The following DMD variants were observed in gnomAD, a reference collection of about 807,000 sequenced individuals.
The protein encoded by DMD is mutant dystrophin.
In DMD, 63 loss-of-function variants were observed where a neutral mutation model predicts 330.1. The ratio of observed to expected loss-of-function variants is 0.19; its 90% confidence interval spans 0.16 to 0.24. DMD has a LOEUF of 0.24. Among genes scored for constraint, DMD ranks in the 10% least tolerant of loss-of-function variants. The pLI is 1.00. For synonymous variants in DMD, 1,223 were observed against 959.8 expected (o/e 1.27, Z -5.07); for missense variants, 3,344 against 2,684.1 (o/e 1.25, Z -5.43).
rs180732442 is a variant in DMD, at chrX:33,097,816, A to T, written c.32-77616T>A. 1.5e-4 allele frequency among the ~76,000 whole-genome samples: 16 copies of T among 108,400 alleles called. No individual in the cohort carries two copies. In the East Asian group the frequency reaches 4.7e-3, roughly 32 times the overall value. 94.1% of individuals were successfully genotyped at this position (108,400 alleles called of 115,157 possible). ...TTTTTAGTAGAGACGGGGTTTCATC[A>T]TGCTGGCCAGGCTGGTCTCAAACTC... On this transcript the variant is annotated intron_variant, in intron 1 of 78. Transcript: ENST00000357033.
intron 4 of DMD, among the ~76,000 whole-genome samples, chrX:32,837,328 G>A (rs1427453209): frequency 1.8e-5 from 2 of 111,600 alleles, no homozygotes; most frequent in African/African-American, 3.3e-5. Context: ...ACTAAGGAGC[G>A]GCACTGGCAA....
At chrX:32,037,375 G>T (rs906848159) in intron 44 of DMD, among the ~76,000 whole-genome samples, 2 of 111,710 alleles carry the variant, frequency 1.8e-5, no homozygotes, top group African/African-American at 6.5e-5. Flanking sequence ...AAAAACTAGC[G>T]TGCTTTATTA....
rs146746920 is a variant in DMD, at chrX:31,922,378, T to A, written c.6912+7218A>T. Among the ~76,000 whole-genome samples the A allele has an allele frequency of 5.2e-3, 576 of 111,039 alleles. 3 individuals carry two copies. The highest frequency in any genetic ancestry group is 8.9e-3 in the Non-Finnish European group (469 of 52,940). On this transcript the variant is annotated intron_variant, in intron 47 of 78. Coordinates refer to ENST00000357033, the MANE Select transcript of DMD (RefSeq NM_004006.3). Reference sequence around the variant, plus strand: ...TTTATCATAAACAGGTGAAAGCGAGTGTTTTCCTGAGTTCTGTGAGCTGCT... The same window carrying A: ...TTTATCATAAACAGGTGAAAGCGAGAGTTTTCCTGAGTTCTGTGAGCTGCT...
At chrX:32,575,854 G>A (rs945316649) in intron 13 of DMD, among the ~76,000 whole-genome samples, 1 of 111,796 alleles carries the variant, frequency 8.9e-6, no homozygotes, top group African/African-American at 3.3e-5. Flanking sequence ...ACAAACTCAA[G>A]CTATAGCATC....
At chrX:31,259,439 C>T (rs1462540969) in intron 63 of DMD, among the ~76,000 whole-genome samples, 1 of 111,808 alleles carries the variant, frequency 8.9e-6, no homozygotes, top group Non-Finnish European at 1.9e-5. Context: ...TAAGCATTCA[C>T]GTTTTCCACC....
intron 44 of DMD, among the ~76,000 whole-genome samples, chrX:32,205,005 T>TCTCTCTCTCACACA (rs60181300): frequency 6.8e-5 from 2 of 29,232 alleles, no homozygotes; most frequent in Non-Finnish European, 1.4e-4. Context: ...TCTCTCTCTC[T>TCTCTCTCTCACACA]CACATACACA....
Position 32,454,724 on chromosome X carries a change from G to T in DMD, c.3541C>A (p.Leu1181Ile). The T allele has an allele frequency of 8.3e-7, 1 of 1,200,492 alleles. No homozygotes were observed. Reference sequence around the variant, plus strand: ...GTTTTATATTCAAAATCTCTCTCAAGATACTCTTCTTCAGCTTGTGTCATC... The same window carrying T: ...GTTTTATATTCAAAATCTCTCTCAATATACTCTTCTTCAGCTTGTGTCATC... ...EWMTQAEEEYLERDFEYKTPD... is the reference protein window; with the variant it reads ...EWMTQAEEEYIERDFEYKTPD... Residue 1181 changes from leucine (L) to isoleucine (I), a missense_variant, in exon 26 of 79, where the codon CTT becomes ATT. By Grantham distance (5) the Leu-to-Ile change is conservative. Coordinates refer to ENST00000357033, the MANE Select transcript of DMD (RefSeq NM_004006.3).
At chrX:31,912,800 G>A (rs1254865117) in intron 47 of DMD, among the ~76,000 whole-genome samples, 1 of 111,947 alleles carries the variant, frequency 8.9e-6, no homozygotes, top group Non-Finnish European at 1.9e-5. Context: ...AATTAATCAC[G>A]CCTCTTGGAT....
chrX:31,185,297 T>G (rs186708608), intron 67 of DMD, among the ~76,000 whole-genome samples: 1 of 110,857 alleles, frequency 9.0e-6, no homozygotes, highest in African/African-American at 3.3e-5. Context: ...CCATTCCCTC[T>G]CCATTCTACT....
intron 11 of DMD, among the ~76,000 whole-genome samples, chrX:32,628,612 A>G (rs5928054): frequency 0.3 from 32,455 of 109,157 alleles, 6,134 homozygotes; most frequent in African/African-American, 0.7. Flanking sequence ...GTATCATTCA[A>G]TTATTTGAAA....
chrX:32,733,807 A>AG (rs1300373210), intron 7 of DMD, among the ~76,000 whole-genome samples: 1 of 104,880 alleles, frequency 9.5e-6, no homozygotes, highest in Non-Finnish European at 2.0e-5. Context: ...CACAAGAGAA[A>AG]GCAGGAAAGA....
At chrX:33,081,649 G>A (rs773030489) in intron 1 of DMD, among the ~76,000 whole-genome samples, 3 of 112,081 alleles carry the variant, frequency 2.7e-5, no homozygotes, top group Non-Finnish European at 3.8e-5. Flanking sequence ...TAATCAGCCC[G>A]TCCTTCATGG....
intron 47 of DMD, among the ~76,000 whole-genome samples, chrX:31,925,648 GA>G (rs1410944779): frequency 9.0e-6 from 1 of 111,232 alleles, no homozygotes; most frequent in Non-Finnish European, 1.9e-5. Context: ...GAGGTGGGCA[GA>G]TCACCTGAGG....
At chrX:32,314,646 A>G (rs1414586614) in intron 41 of DMD, among the ~76,000 whole-genome samples, 1 of 111,691 alleles carries the variant, frequency 9.0e-6, no homozygotes, top group East Asian at 2.8e-4. Flanking sequence ...TATCCATCTG[A>G]CAAAGGGCTA....
intron 78 of DMD, among the ~76,000 whole-genome samples, chrX:31,124,805 C>G (rs1406400064): frequency 1.8e-5 from 2 of 111,742 alleles, no homozygotes; most frequent in Non-Finnish European, 3.8e-5. Flanking sequence ...GGCAAAGATC[C>G]AAGACCTCAA....
intron 61 of DMD, among the ~76,000 whole-genome samples, chrX:31,337,139 G>A (rs1349425201): frequency 9.1e-6 from 1 of 109,469 alleles, no homozygotes; most frequent in Non-Finnish European, 1.9e-5. Flanking sequence ...TGGCCAGGTT[G>A]GTCTCCAACT....
At chrX:31,931,106 G>A (rs1425366351) in intron 46 of DMD, among the ~76,000 whole-genome samples, 2 of 111,705 alleles carry the variant, frequency 1.8e-5, no homozygotes, top group Non-Finnish European at 3.8e-5. Flanking sequence ...CATTGATAAA[G>A]GACCAATTTC....
At chrX:31,465,203 T>TC (rs2066770100) in intron 59 of DMD, among the ~76,000 whole-genome samples, 1 of 109,120 alleles carries the variant, frequency 9.2e-6, no homozygotes, top group South Asian at 3.9e-4. Flanking sequence ...TTGGTCAGGA[T>TC]TTTTTTTTTA....
chrX:31,390,813 A>C (rs1425361940), intron 60 of DMD, among the ~76,000 whole-genome samples: 1 of 111,597 alleles, frequency 9.0e-6, no homozygotes, highest in Non-Finnish European at 1.9e-5. Context: ...AGATTGTATG[A>C]TGTTTTGCAG....
Sources: allele counts gnomAD v4.1 joint callset (sites outside exome capture counted in the v4.1 genomes callset), GRCh38; gene constraint gnomAD v4.1.1; transcripts MANE v1.5; gene names NCBI Gene and HGNC (gene_info 2026-07-23, HGNC 2026-07-21).